Variants in YWHAE observed in about 807,000 individuals in gnomAD.
YWHAE encodes the protein 14-3-3 protein epsilon.
YWHAE carries 4 observed loss-of-function variants against 30.1 expected under a neutral mutation model. The observed-to-expected ratio is 0.13, with a 90% CI of 0.07 to 0.30. YWHAE has a LOEUF of 0.30. YWHAE is among the 10% of genes least tolerant of loss of function. The probability of loss-of-function intolerance (pLI) is 1.00; values close to 1 mark genes in which losing one functional copy is unlikely to be tolerated. For missense variants in YWHAE, 121 were observed against 315.9 expected, an observed-to-expected ratio of 0.38 and a Z score of 4.68; for synonymous variants, 118 against 111.8, an observed-to-expected ratio of 1.06 and a Z score of -0.35.
chr17:1,370,195 C>A (rs370953396), intron 1 of YWHAE, among the ~76,000 whole-genome samples: 1 of 136,070 alleles, frequency 7.3e-6, no homozygotes, highest in Non-Finnish European at 1.5e-5. Context: ...GGCGTGATCT[C>A]GGCTCACTGC....
intron 2 of YWHAE, among the ~76,000 whole-genome samples, chr17:1,362,847 T>A (rs1271235444): frequency 6.6e-6 from 1 of 152,120 alleles, no homozygotes; most frequent in African/African-American, 2.4e-5. Flanking sequence ...GCTTTTCCAA[T>A]AGAGACTGGT....
Position 1,400,203 on chromosome 17 carries a change from A to G in YWHAE, c.-93T>C. On this transcript the variant is annotated 5_prime_UTR_variant, in exon 1 of 6. Coordinates refer to ENST00000264335, the MANE Select transcript of YWHAE (RefSeq NM_006761.5). ...CTCTCGCTCCGCGTCCGGGCAGCAA[A>G]AATGGCGGCGCCTCAATCCGGGACT... is the stretch of plus-strand genomic sequence containing the variant. 6.8e-7 allele frequency: 1 copy of G among 1,477,118 alleles called. No individual in the cohort carries two copies. The highest frequency in any genetic ancestry group is 9.4e-7 in the Non-Finnish European group (1 of 1,061,684). 91.5% of individuals were successfully genotyped at this position (1,477,118 alleles called of 1,614,324 possible).
rs943967172 is a variant in YWHAE, at chr17:1,344,744, G to A, written c.*703C>T. ...GAGGGGAAGGAGGTAGGGGGAGGGG[G>A]AAGGAGAAGAAACAAAAGAATTGAA... On this transcript the variant is annotated 3_prime_UTR_variant, in exon 6 of 6. Transcript: ENST00000264335. The A allele has an allele frequency of 2.6e-4, 57 of 219,640 alleles. 1 individual carries two copies. Among genetic ancestry groups the A allele is most frequent in the African/African-American group, 1.1e-3 (50 of 44,458 alleles). 13.6% of individuals were successfully genotyped at this position (219,640 alleles called of 1,614,324 possible).
intron 5 of YWHAE, chr17:1,352,084 A>C (rs574803930): frequency 7.9e-5 from 12 of 152,208 alleles, no homozygotes; most frequent in Admixed American, 7.9e-4. Context: ...CAACCGGCAT[A>C]GGACAGATTT....
chr17:1,345,016 T>A lies in YWHAE; in HGVS notation c.*431A>T. On this transcript the variant is annotated 3_prime_UTR_variant, in exon 6 of 6. Transcript: ENST00000264335. ...GCAAACACTGGTATAAAACACAGTT[T>A]AAACAATTAGAAAAATGAAAACTGA... is the stretch of plus-strand genomic sequence containing the variant. The A allele has an allele frequency of 4.2e-6, 1 of 239,672 alleles. No individual in the cohort carries two copies. Among genetic ancestry groups the A allele is most frequent in the Non-Finnish European group, 8.2e-6 (1 of 122,058 alleles). The allele number at this position is 239,672 out of a possible 1,614,324, so 14.8% of individuals were successfully genotyped here. A position where few individuals can be genotyped will look rare whatever the true frequency, so the allele number is the denominator to read the frequency against.
At chr17:1,385,970 C>A (rs866015946) in intron 1 of YWHAE, among the ~76,000 whole-genome samples, 1 of 152,128 alleles carries the variant, frequency 6.6e-6, no homozygotes, top group Non-Finnish European at 1.5e-5. Flanking sequence ...GACGTTTACA[C>A]ACAAGAAACT....
At chr17:1,346,665 C>T (rs1316421367) in intron 5 of YWHAE, among the ~76,000 whole-genome samples, 2 of 152,190 alleles carry the variant, frequency 1.3e-5, no homozygotes, top group African/African-American at 4.8e-5. Flanking sequence ...ACAGCCTCAG[C>T]AACACAGTGA....
At chr17:1,383,807 T>C (rs1041038160) in intron 1 of YWHAE, among the ~76,000 whole-genome samples, 1 of 152,170 alleles carries the variant, frequency 6.6e-6, no homozygotes, top group East Asian at 1.9e-4. Context: ...ATTCCCGCAA[T>C]CTCCGCACTT....
At chr17:1,357,035 C>T (rs1447431165) in intron 4 of YWHAE, among the ~76,000 whole-genome samples, 6 of 150,902 alleles carry the variant, frequency 4.0e-5, no homozygotes, top group East Asian at 2.0e-4. Context: ...TTTGGGAGGC[C>T]GAGGAGGGCA....
At chr17:1,371,231 C>T (rs953013767) in intron 1 of YWHAE, among the ~76,000 whole-genome samples, 5 of 152,056 alleles carry the variant, frequency 3.3e-5, no homozygotes, top group South Asian at 2.1e-4. Flanking sequence ...TACAGGTGTA[C>T]GCCATTACGC....
At chr17:1,390,338 A>C (rs2073371043) in intron 1 of YWHAE, among the ~76,000 whole-genome samples, 1 of 152,256 alleles carries the variant, frequency 6.6e-6, no homozygotes, top group African/African-American at 2.4e-5. Flanking sequence ...TGTAAGATTA[A>C]GGATTTTGAG....
At position 1,381,935 on chromosome 17, in the gene YWHAE, A is replaced by G. The variant is rs547426586; in HGVS notation, c.65-16877T>C. ...CAAAAAAAAAAAAAAAAAAAAAAAG[A>G]CAGGCAGACAGAAAAGGAAAAAAAA... On this transcript the variant is annotated intron_variant, in intron 1 of 5. Coordinates refer to ENST00000264335, the MANE Select transcript of YWHAE (RefSeq NM_006761.5). 3.4e-5 allele frequency among the ~76,000 whole-genome samples: 5 copies of G among 145,646 alleles called. No homozygotes were observed. The East Asian group carries it at 1.0e-3, about 29-fold the overall frequency.
intron 5 of YWHAE, among the ~76,000 whole-genome samples, chr17:1,353,383 AG>A (rs2072670017): frequency 6.8e-6 from 1 of 147,556 alleles, no homozygotes; most frequent in Admixed American, 7.0e-5. Context: ...GCTTGCAGTG[AG>A]CCAAGATCGC....
intron 2 of YWHAE, among the ~76,000 whole-genome samples, chr17:1,364,080 G>A (rs1263760261): frequency 6.6e-6 from 1 of 152,000 alleles, no homozygotes; most frequent in Non-Finnish European, 1.5e-5. Flanking sequence ...AGTGATGGCT[G>A]TCCAACTTTT....
intron 1 of YWHAE, among the ~76,000 whole-genome samples, chr17:1,375,708 T>C (rs1401263408): frequency 6.6e-6 from 1 of 152,204 alleles, no homozygotes; most frequent in East Asian, 1.9e-4. Context: ...CTTCATTGTA[T>C]GGTAATAGCC....
At chr17:1,389,357 C>T (rs1390521164) in intron 1 of YWHAE, among the ~76,000 whole-genome samples, 1 of 152,162 alleles carries the variant, frequency 6.6e-6, no homozygotes, top group Admixed American at 6.5e-5. Context: ...CTGACTAACC[C>T]AGGGATTAAG....
chr17:1,390,296 C>T (rs1403121343), intron 1 of YWHAE, among the ~76,000 whole-genome samples: 2 of 152,142 alleles, frequency 1.3e-5, no homozygotes, highest in South Asian at 2.1e-4. Flanking sequence ...ATAATCTGGA[C>T]GACCTTTACT....
chr17:1,358,241 A>C (rs906921481), intron 4 of YWHAE, among the ~76,000 whole-genome samples: 18 of 152,034 alleles, frequency 1.2e-4, no homozygotes, highest in East Asian at 3.9e-4. Context: ...AAAACAACAA[A>C]AAAAAATTTT....
At chr17:1,399,571 C>T (rs1469138949) in intron 1 of YWHAE, 1 of 191,466 alleles carries the variant, frequency 5.2e-6, no homozygotes. Flanking sequence ...ACCGCCCCCA[C>T]CCGCCATATT....
Sources: allele counts gnomAD v4.1 joint callset (sites outside exome capture counted in the v4.1 genomes callset), GRCh38; gene constraint gnomAD v4.1.1; transcripts MANE v1.5; gene names NCBI Gene and HGNC (gene_info 2026-07-23, HGNC 2026-07-21).